Variants in NF1 observed in about 807,000 individuals in gnomAD.
NF1 encodes the protein neurofibromin.
In NF1, 122 loss-of-function variants were observed where a neutral mutation model predicts 325.7. The observed-to-expected ratio is 0.37, with a 90% confidence interval of 0.32 to 0.44. NF1 has a LOEUF of 0.44. NF1 is among the 20% of genes least tolerant of loss of function. The probability of loss-of-function intolerance (pLI) is 1.00; values close to 1 mark genes in which losing one functional copy is unlikely to be tolerated. For missense variants in NF1, 2,140 were observed against 3,415.4 expected (o/e 0.63, Z 9.31); for synonymous variants, 1,091 against 1,186.0 (o/e 0.92, Z 1.65).
chr17:31,095,576 C>T, intron 1 of NF1: 1 of 582,566 alleles, frequency 1.7e-6, no homozygotes, highest in Non-Finnish European at 3.0e-6. Flanking sequence ...AGCTTGGGCA[C>T]CCTTTCCCTC....
chr17:31,100,322 C>T (rs1912204564), intron 1 of NF1, among the ~76,000 whole-genome samples: 1 of 152,228 alleles, frequency 6.6e-6, no homozygotes, highest in East Asian at 1.9e-4. Flanking sequence ...AATAGATTTG[C>T]AAAACTGAAG....
intron 36 of NF1, among the ~76,000 whole-genome samples, chr17:31,315,135 C>A (rs1296505060): frequency 1.3e-5 from 2 of 152,038 alleles, no homozygotes; most frequent in African/African-American, 4.8e-5. Context: ...TTACTAGTGA[C>A]TTTTGAGTTC....
intron 36 of NF1, chr17:31,296,401 C>A: frequency 6.4e-7 from 1 of 1,574,410 alleles, no homozygotes; most frequent in South Asian, 1.1e-5. Context: ...CTGCATGGGT[C>A]AGTTAGCATT....
chr17:31,170,434 T>A (rs1440383435), intron 5 of NF1, among the ~76,000 whole-genome samples: 1 of 152,212 alleles, frequency 6.6e-6, no homozygotes, highest in African/African-American at 2.4e-5. Flanking sequence ...AGAGGATGAA[T>A]TGAGCCAGAG....
At chr17:31,327,387 T>C (rs2069371856) in intron 37 of NF1, 112 bp from the exon 38 acceptor site, 1 of 756,790 alleles carries the variant, frequency 1.3e-6, no homozygotes, top group African/African-American at 1.7e-5. Context: ...TGGGAACTCT[T>C]CCTTAAATGG....
chr17:31,271,703 T>G (rs1388183074), intron 36 of NF1, among the ~76,000 whole-genome samples: 1 of 152,012 alleles, frequency 6.6e-6, no homozygotes, highest in Non-Finnish European at 1.5e-5. Flanking sequence ...TGAGCTGAGG[T>G]CATGCCATTG....
chr17:31,304,477 T>C, intron 36 of NF1: 5 of 1,614,128 alleles, frequency 3.1e-6, no homozygotes, highest in Non-Finnish European at 4.2e-6. Context: ...ATTGAGACAG[T>C]CCAGAGATGG....
chr17:31,313,778 G>T (rs2068951959), intron 36 of NF1, among the ~76,000 whole-genome samples: 1 of 148,098 alleles, frequency 6.8e-6, no homozygotes, highest in South Asian at 2.1e-4. Flanking sequence ...AAACTTAAAA[G>T]GTCTTATACA....
chr17:31,163,666 C>T (rs893174141), intron 4 of NF1, among the ~76,000 whole-genome samples: 8 of 152,110 alleles, frequency 5.3e-5, no homozygotes, highest in African/African-American at 1.9e-4. Flanking sequence ...AATAAGAGCA[C>T]TGTTATGAAT....
At chr17:31,184,369 G>A (rs143585149) in intron 8 of NF1, among the ~76,000 whole-genome samples, 21 of 152,280 alleles carry the variant, frequency 1.4e-4, no homozygotes, top group Non-Finnish European at 2.6e-4. Context: ...AAAATGATGG[G>A]CCGGGCGCGG....
chr17:31,281,282 A>C (rs1317189281), intron 36 of NF1, among the ~76,000 whole-genome samples: 1 of 152,198 alleles, frequency 6.6e-6, no homozygotes, highest in Non-Finnish European at 1.5e-5. Context: ...GGAAGTGTTT[A>C]TGACACATTG....
At chr17:31,266,955 G>T (rs17884795) in intron 36 of NF1, among the ~76,000 whole-genome samples, 42 of 150,650 alleles carry the variant, frequency 2.8e-4, no homozygotes, top group African/African-American at 1.0e-3. Flanking sequence ...TTTTGAAATG[G>T]AGTTTCACTC....
At position 31,242,305 on chromosome 17, in the gene NF1, CTTTTTTTTT is replaced by C. The variant is rs200376987; in HGVS notation, c.3974+6303_3974+6311del. On this transcript the variant is annotated intron_variant, in intron 29 of 57. Coordinates refer to ENST00000358273, the MANE Select transcript of NF1 (RefSeq NM_001042492.3). ...TCTTTCCCTAGGTTTCATAAGTTCT[CTTTTTTTTT>C]TTTTTTTTTTTTTTTTTTGAGATGG... is the stretch of plus-strand genomic sequence containing the variant. 9.4e-4 allele frequency among the ~76,000 whole-genome samples: 65 copies of C among 68,860 alleles called. 1 individual carries two copies. The highest frequency in any genetic ancestry group is 3.1e-3 in the African/African-American group (49 of 16,008). The allele number at this position is 68,860 out of a possible 152,430, so 45.2% of individuals were successfully genotyped here. A position where few individuals can be genotyped will look rare whatever the true frequency, so the allele number is the denominator to read the frequency against.
intron 57 of NF1, among the ~76,000 whole-genome samples, chr17:31,372,734 G>A (rs1261765583): frequency 1.3e-5 from 2 of 152,096 alleles, no homozygotes; most frequent in Non-Finnish European, 2.9e-5. Context: ...TATTAATTGG[G>A]GTGGGGTGCA....
At chr17:31,321,607 A>G (rs2069195095) in intron 36 of NF1, 1 of 152,162 alleles carries the variant, frequency 6.6e-6, no homozygotes, top group South Asian at 2.1e-4. Context: ...CTTAAAGTAA[A>G]TCTGCAGTAA....
At chr17:31,207,037 G>A (rs1278591077) in intron 12 of NF1, among the ~76,000 whole-genome samples, 1 of 151,894 alleles carries the variant, frequency 6.6e-6, no homozygotes, top group South Asian at 2.1e-4. Context: ...TCATTTTTTT[G>A]GTGTTTATGT....
chr17:31,282,526 T>C (rs529616157), intron 36 of NF1, among the ~76,000 whole-genome samples: 69 of 151,780 alleles, frequency 4.5e-4, no homozygotes, highest in South Asian at 3.1e-3. Context: ...CTGCCCCCCC[T>C]CAGCCCCTGG....
intron 36 of NF1, among the ~76,000 whole-genome samples, chr17:31,309,653 A>G (rs1017334631): frequency 6.6e-6 from 1 of 152,222 alleles, no homozygotes; most frequent in Admixed American, 6.5e-5. Flanking sequence ...GACTTTGCTT[A>G]AAATAAGGAA....
At chr17:31,251,407 A>C (rs558720584) in intron 30 of NF1, 1 of 199,166 alleles carries the variant, frequency 5.0e-6, no homozygotes, top group Non-Finnish European at 1.0e-5. Context: ...AACCAGCTCT[A>C]TTACTTTATA....
Sources: gnomAD v4.1 joint callset for allele counts (sites outside exome capture counted in the v4.1 genomes callset) on GRCh38, gnomAD v4.1.1 for gene constraint, MANE v1.5 for transcripts, NCBI Gene and HGNC (gene_info 2026-07-23, HGNC 2026-07-21) for gene names.